Variants in GATAD2B observed in about 807,000 individuals in gnomAD.
GATAD2B encodes the protein GATA zinc finger domain containing 2B.
A neutral mutation model predicts 64.3 loss-of-function variants in GATAD2B; 8 were observed. The observed-to-expected ratio is 0.12, with a 90% CI of 0.07 to 0.22. The LOEUF is 0.22. GATAD2B is among the 10% of genes least tolerant of loss of function. GATAD2B has a pLI of 1.00. For missense variants in GATAD2B, 453 were observed against 752.0 expected, an observed-to-expected ratio of 0.60 and a Z score of 4.65; for synonymous variants, 281 against 271.3, an observed-to-expected ratio of 1.04 and a Z score of -0.35.
chr1:153,896,228 T>C (rs796667198), intron 1 of GATAD2B, among the ~76,000 whole-genome samples: 55 of 152,100 alleles, frequency 3.6e-4, no homozygotes, highest in African/African-American at 1.3e-3. Context: ...GAAAGCTGCA[T>C]GAGATGAGGC....
chr1:153,837,692 G>T (rs1350473941), intron 1 of GATAD2B, among the ~76,000 whole-genome samples: 3 of 152,090 alleles, frequency 2.0e-5, no homozygotes, highest in Non-Finnish European at 2.9e-5. Flanking sequence ...AAAACAGACT[G>T]TTGTGATGGT....
chr1:153,922,499 T>C (rs1489721427), intron 1 of GATAD2B, among the ~76,000 whole-genome samples: 1 of 102,146 alleles, frequency 9.8e-6, no homozygotes, highest in Non-Finnish European at 1.9e-5. Flanking sequence ...GAGGATGAGG[T>C]GAAGAAGGAG....
intron 1 of GATAD2B, among the ~76,000 whole-genome samples, chr1:153,919,979 C>G (rs984706630): frequency 6.6e-6 from 1 of 152,206 alleles, no homozygotes; most frequent in Non-Finnish European, 1.5e-5. Flanking sequence ...AGCTGGTTGG[C>G]TTTTCTCAAT....
At chr1:153,893,717 T>G (rs1677491875) in intron 1 of GATAD2B, among the ~76,000 whole-genome samples, 1 of 151,944 alleles carries the variant, frequency 6.6e-6, no homozygotes, top group Admixed American at 6.6e-5. Flanking sequence ...TCCCAGCACT[T>G]TGGAGGCCAA....
intron 1 of GATAD2B, among the ~76,000 whole-genome samples, chr1:153,842,954 C>CTTTT (rs11424016): frequency 8.5e-6 from 1 of 117,482 alleles, no homozygotes; most frequent in African/African-American, 3.2e-5. Context: ...CTCGCCCAGC[C>CTTTT]TTTTTTTTTT....
intron 1 of GATAD2B, among the ~76,000 whole-genome samples, chr1:153,899,529 T>C (rs555476725): frequency 6.6e-5 from 10 of 150,422 alleles, no homozygotes; most frequent in African/African-American, 2.4e-4. Flanking sequence ...GATCGCGCCA[T>C]TGCACTCCAG....
At chr1:153,815,127 A>AAAAAAAAAAAAGAC (rs1674421121) in intron 7 of GATAD2B, among the ~76,000 whole-genome samples, 1 of 147,058 alleles carries the variant, frequency 6.8e-6, no homozygotes, top group Admixed American at 6.8e-5. Context: ...CAAAGAAAAA[A>AAAAAAAAAAAAGAC]ACTGGCATGG....
chr1:153,889,416 A>AC (rs1677293400), intron 1 of GATAD2B, among the ~76,000 whole-genome samples: 2 of 116,306 alleles, frequency 1.7e-5, no homozygotes, highest in East Asian at 1.3e-3. Context: ...CCGTCTCCAA[A>AC]AAAAAAAAAA....
chr1:153,841,747 T>C (rs1675502791), intron 1 of GATAD2B, among the ~76,000 whole-genome samples: 1 of 152,232 alleles, frequency 6.6e-6, no homozygotes, highest in Non-Finnish European at 1.5e-5. Context: ...ACAGCTGCTA[T>C]GAACATTCAT....
Position 153,807,498 on chromosome 1 carries a change from G to A in GATAD2B, c.*2679C>T, listed in dbSNP as rs930625789. The A allele has an allele frequency of 6.6e-6, 1 of 152,206 alleles. No individual in the cohort carries two copies. The highest frequency in any genetic ancestry group is 1.5e-5 in the Non-Finnish European group (1 of 68,076). 9.4% of individuals were successfully genotyped at this position (152,206 alleles called of 1,614,324 possible). On this transcript the variant is annotated 3_prime_UTR_variant, in exon 11 of 11. Transcript: ENST00000368655. ...TGAAAATGGGGAGAAGAAAGGGTAAGAAATCAAACCTCAGCGGTTGAACAA... is the reference window on the plus strand; with the variant it reads ...TGAAAATGGGGAGAAGAAAGGGTAAAAAATCAAACCTCAGCGGTTGAACAA...
In GATAD2B at chr1:153,833,715, CAGG is replaced by C. The variant is rs1351745118; in HGVS notation, c.-1-5370_-1-5368del. Among the ~76,000 whole-genome samples the C allele has an allele frequency of 2.8e-5, 4 of 143,646 alleles. No individual in the cohort carries two copies. The South Asian group carries it at 8.7e-4, about 31-fold the overall frequency. The allele number at this position is 143,646 out of a possible 152,430, so 94.2% of individuals were successfully genotyped here. ...ATCCCAGCTACATGGGAGGGTGAGGCAGGAGAATAGCCTGAACCTGGGAGGGGG... is the reference window on the plus strand; with the variant it reads ...ATCCCAGCTACATGGGAGGGTGAGGCAGAATAGCCTGAACCTGGGAGGGGG... On this transcript the variant is annotated intron_variant, in intron 1 of 10. Coordinates refer to ENST00000368655, the MANE Select transcript of GATAD2B (RefSeq NM_020699.4).
At chr1:153,911,835 T>C (rs111540849) in intron 1 of GATAD2B, among the ~76,000 whole-genome samples, 2 of 152,154 alleles carry the variant, frequency 1.3e-5, no homozygotes, top group Non-Finnish European at 2.9e-5. Context: ...CTCACTGTCC[T>C]CCTCTAATAC....
Position 153,807,079 on chromosome 1 carries a change from C to A in GATAD2B, c.*3098G>T, listed in dbSNP as rs965100358. 2 of 152,118 alleles carry A rather than the reference C, an allele frequency of 1.3e-5. No homozygotes were observed. Among genetic ancestry groups the A allele is most frequent in the African/African-American group, 4.8e-5 (2 of 41,420 alleles). The allele number at this position is 152,118 out of a possible 1,614,324, so 9.4% of individuals were successfully genotyped here. ...ATCGACAAATAAGAACCTCTGTCCC[C>A]TAGTTTTACTCAAGCCTTACCGCTA... On this transcript the variant is annotated 3_prime_UTR_variant, in exon 11 of 11. Transcript: ENST00000368655.
chr1:153,861,809 T>TACACAC (rs1553194168), intron 1 of GATAD2B, among the ~76,000 whole-genome samples: 1 of 122,190 alleles, frequency 8.2e-6, no homozygotes, highest in African/African-American at 3.0e-5. Context: ...TATATATATA[T>TACACAC]ACACATATGT....
chr1:153,857,775 A>C (rs1026236853), intron 1 of GATAD2B, among the ~76,000 whole-genome samples: 3 of 152,200 alleles, frequency 2.0e-5, no homozygotes, highest in Admixed American at 6.5e-5. Flanking sequence ...AGGAGACATC[A>C]ATCAGCCAGA....
chr1:153,852,352 A>T, intron 1 of GATAD2B: 1 of 907,042 alleles, frequency 1.1e-6, no homozygotes, highest in Non-Finnish European at 1.9e-6. Context: ...CACTGAGTAG[A>T]TGTCGCCTGC....
chr1:153,858,323 T>A (rs1254006950), intron 1 of GATAD2B, among the ~76,000 whole-genome samples: 1 of 152,134 alleles, frequency 6.6e-6, no homozygotes, highest in Non-Finnish European at 1.5e-5. Context: ...CCCAGCACTT[T>A]GGGAGGCCAA....
At position 153,816,816 on chromosome 1, in the gene GATAD2B, G is replaced by A. The variant is rs900495044; in HGVS notation, c.901-228C>T. 6.6e-6 allele frequency among the ~76,000 whole-genome samples: 1 copy of A among 152,232 alleles called. No individual in the cohort carries two copies. The highest frequency in any genetic ancestry group is 2.4e-5 in the African/African-American group (1 of 41,466). ...AGAGAAATAAAGGCCACGCGTGGTG[G>A]CTCACGCCTATAATCTCAGCACTTT... On this transcript the variant is annotated intron_variant, in intron 6 of 10. Coordinates refer to ENST00000368655, the MANE Select transcript of GATAD2B (RefSeq NM_020699.4). The surrounding 1 kb of genome is among the most constrained non-coding windows in gnomAD (Gnocchi z 4.9).
chr1:153,838,340 T>C (rs984417631), intron 1 of GATAD2B, among the ~76,000 whole-genome samples: 3 of 152,202 alleles, frequency 2.0e-5, no homozygotes, highest in African/African-American at 4.8e-5. Context: ...CAGAATTTCA[T>C]TCCAATAGAA....
Sources: gnomAD v4.1 joint callset for allele counts (sites outside exome capture counted in the v4.1 genomes callset) on GRCh38, gnomAD v4.1.1 for gene constraint, Gnocchi (gnomAD v3.1) non-coding constraint, MANE v1.5 for transcripts, NCBI Gene and HGNC (gene_info 2026-07-23, HGNC 2026-07-21) for gene names.